The following LPP variants were observed in gnomAD, a reference collection of about 807,000 sequenced individuals.
The protein encoded by LPP is lipoma-preferred partner.
A neutral mutation model predicts 60.4 loss-of-function variants in LPP; 38 were observed. That is an observed-to-expected ratio of 0.63 (90% CI 0.49 to 0.83). The LOEUF (loss-of-function observed/expected upper bound fraction) is 0.83, where lower values mean the gene tolerates loss of function less well. Among genes scored for constraint, LPP ranks in the 40% least tolerant of loss-of-function variants. The pLI is 0.00. For synonymous variants in LPP, 328 were observed against 290.8 expected (o/e 1.13, Z -1.30); for missense variants, 902 against 783.6 (o/e 1.15, Z -1.80).
chr3:188,419,045 T>C (rs1450116948), intron 4 of LPP, among the ~76,000 whole-genome samples: 1 of 152,180 alleles, frequency 6.6e-6, no homozygotes, highest in African/African-American at 2.4e-5. Context: ...AATTACCTCC[T>C]GGGAAAGAAA....
chr3:188,590,935 G>A (rs1045977886), intron 6 of LPP, among the ~76,000 whole-genome samples: 1 of 152,152 alleles, frequency 6.6e-6, no homozygotes, highest in African/African-American at 2.4e-5. Context: ...TAAATTCCCA[G>A]TTTTACTTAA....
intron 9 of LPP, among the ~76,000 whole-genome samples, chr3:188,861,069 T>G (rs916911774): frequency 2.1e-4 from 32 of 152,216 alleles, no homozygotes; most frequent in African/African-American, 7.0e-4. Context: ...TTTCAGATAG[T>G]ACAGGTTCCA....
At chr3:188,638,043 C>G (rs539771803) in intron 7 of LPP, among the ~76,000 whole-genome samples, 2 of 138,912 alleles carry the variant, frequency 1.4e-5, no homozygotes, top group Non-Finnish European at 3.1e-5. Context: ...ATACCAAAGC[C>G]TGGCAGAGAC....
intron 6 of LPP, among the ~76,000 whole-genome samples, chr3:188,577,705 G>A (rs1193385003): frequency 1.3e-5 from 2 of 149,166 alleles, no homozygotes; most frequent in African/African-American, 2.5e-5. Context: ...CCTTTCTACT[G>A]TTTCCCTCCT....
intron 6 of LPP, among the ~76,000 whole-genome samples, chr3:188,531,850 G>A (rs1822264883): frequency 6.6e-6 from 1 of 152,044 alleles, no homozygotes; most frequent in South Asian, 2.1e-4. Flanking sequence ...CTTGGGAAGG[G>A]GATAATGGCA....
chr3:188,374,328 TC>T (rs1284062227), intron 3 of LPP, among the ~76,000 whole-genome samples: 1 of 152,182 alleles, frequency 6.6e-6, no homozygotes, highest in Non-Finnish European at 1.5e-5. Flanking sequence ...TATTGATTCT[TC>T]CTACCCGTGA....
intron 6 of LPP, among the ~76,000 whole-genome samples, chr3:188,592,363 C>T (rs1427614028): frequency 3.3e-5 from 5 of 151,952 alleles, no homozygotes; most frequent in South Asian, 2.1e-4. Flanking sequence ...GTCACACACA[C>T]ACACATACAC....
intron 8 of LPP, among the ~76,000 whole-genome samples, chr3:188,725,821 G>A (rs1235140339): frequency 6.6e-6 from 1 of 152,146 alleles, no homozygotes; most frequent in Non-Finnish European, 1.5e-5. Flanking sequence ...GAATGGAAAA[G>A]TGGAGAAAGA....
intron 6 of LPP, among the ~76,000 whole-genome samples, chr3:188,598,117 G>A (rs1840344592): frequency 6.6e-6 from 1 of 152,146 alleles, no homozygotes; most frequent in Non-Finnish European, 1.5e-5. Flanking sequence ...AGGTTGGAAA[G>A]TGTTCAAATC....
intron 8 of LPP, among the ~76,000 whole-genome samples, chr3:188,742,105 C>A (rs1346760750): frequency 6.6e-6 from 1 of 152,058 alleles, no homozygotes; most frequent in African/African-American, 2.4e-5. Context: ...CTGTAAGGTA[C>A]CTCCATACAT....
intron 3 of LPP, among the ~76,000 whole-genome samples, chr3:188,405,892 TC>T (rs372916855): frequency 0.81 from 122,288 of 151,692 alleles, 51,357 homozygotes; most frequent in Non-Finnish European, 0.92. Flanking sequence ...TTTCTTTCTT[TC>T]TTTCTCCTTT....
At chr3:188,736,558 A>G (rs1722589583) in intron 8 of LPP, among the ~76,000 whole-genome samples, 1 of 152,136 alleles carries the variant, frequency 6.6e-6, no homozygotes, top group Admixed American at 6.5e-5. Flanking sequence ...AAGACCGTAA[A>G]TTGGCCCAAA....
At position 188,384,544 on chromosome 3, in the gene LPP, CA is replaced by C. The variant is rs111337501; in HGVS notation, c.-9-21567del. Among the ~76,000 whole-genome samples the C allele has an allele frequency of 1.9e-3, 285 of 152,142 alleles. 2 individuals are homozygous for C. The highest frequency in any genetic ancestry group is 6.8e-3 in the Middle Eastern group (2 of 294). ...CAGTGGCTCACGCCTGTAATCCCAGCACTTTGGGAGGCTGAGGCGGGCAGAT... is the reference window on the plus strand; with the variant it reads ...CAGTGGCTCACGCCTGTAATCCCAGCCTTTGGGAGGCTGAGGCGGGCAGAT... On this transcript the variant is annotated intron_variant, in intron 3 of 11. Coordinates refer to ENST00000617246, the MANE Select transcript of LPP (RefSeq NM_001375462.1).
chr3:188,414,925 A>G (rs1199372459), intron 4 of LPP, among the ~76,000 whole-genome samples: 1 of 152,144 alleles, frequency 6.6e-6, no homozygotes, highest in Non-Finnish European at 1.5e-5. Context: ...TTGAACTAAT[A>G]TACCCGAACA....
intron 4 of LPP, among the ~76,000 whole-genome samples, chr3:188,483,248 G>A (rs890775726): frequency 5.9e-5 from 9 of 152,034 alleles, no homozygotes; most frequent in Non-Finnish European, 1.0e-4. Flanking sequence ...GCAAATAGAG[G>A]CAAACTGAAC....
intron 8 of LPP, among the ~76,000 whole-genome samples, chr3:188,735,206 A>T (rs1439369901): frequency 2.0e-5 from 3 of 152,072 alleles, no homozygotes; most frequent in Non-Finnish European, 4.4e-5. Flanking sequence ...TGTTTCAGGC[A>T]ATTAAATATG....
At chr3:188,608,425 G>T (rs1468870846) in intron 6 of LPP, among the ~76,000 whole-genome samples, 1 of 152,050 alleles carries the variant, frequency 6.6e-6, no homozygotes, top group Non-Finnish European at 1.5e-5. Context: ...ATCTATTGAA[G>T]AAATTTTCTT....
intron 2 of LPP, among the ~76,000 whole-genome samples, chr3:188,233,762 A>T (rs1342117461): frequency 1.3e-5 from 2 of 152,082 alleles, no homozygotes; most frequent in African/African-American, 2.4e-5. Flanking sequence ...CATTTATTAC[A>T]CTTAAGGCCT....
intron 4 of LPP, among the ~76,000 whole-genome samples, chr3:188,414,088 C>T (rs984792583): frequency 6.6e-6 from 1 of 152,060 alleles, no homozygotes; most frequent in African/African-American, 2.4e-5. Flanking sequence ...AGACTAGTTC[C>T]TGCCCTCTTG....
Sources: allele counts gnomAD v4.1 joint callset (sites outside exome capture counted in the v4.1 genomes callset), GRCh38; gene constraint gnomAD v4.1.1; transcripts MANE v1.5; gene names NCBI Gene and HGNC (gene_info 2026-07-23, HGNC 2026-07-21).